MTSS1: variants seen among roughly 807,000 people sequenced by gnomAD.
The protein encoded by MTSS1 is protein MTSS 1.
Under a neutral mutation model 79.0 loss-of-function variants are expected in MTSS1, and 18 were observed. The ratio of observed to expected loss-of-function variants is 0.23; its 90% CI spans 0.16 to 0.34. The LOEUF (loss-of-function observed/expected upper bound fraction) is 0.34, where lower values mean the gene tolerates loss of function less well. Ranked by LOEUF, MTSS1 falls within the 10% of genes least tolerant of loss-of-function variation. MTSS1 has a pLI of 1.00. For synonymous variants in MTSS1, 341 were observed against 368.6 expected (o/e 0.93, Z 0.86); for missense variants, 815 against 986.2 (o/e 0.83, Z 2.33).
chr8:124,671,755 T>C (rs1824260932), intron 3 of MTSS1, among the ~76,000 whole-genome samples: 2 of 152,184 alleles, frequency 1.3e-5, no homozygotes, highest in Admixed American at 1.3e-4. Flanking sequence ...ATATAAGAGG[T>C]GTCTTCATTA....
intron 3 of MTSS1, chr8:124,697,941 C>T (rs1430428744): frequency 6.6e-6 from 1 of 152,204 alleles, no homozygotes; most frequent in African/African-American, 2.4e-5. Context: ...ATTACCTCCC[C>T]TAGGAAAAAC....
chr8:124,706,995 A>G (rs1002568845), intron 1 of MTSS1, among the ~76,000 whole-genome samples: 1 of 152,156 alleles, frequency 6.6e-6, no homozygotes, highest in Non-Finnish European at 1.5e-5. Context: ...ACCTCTAAGA[A>G]CACAAAGGCT....
chr8:124,624,064 A>G (rs755941812), intron 3 of MTSS1, among the ~76,000 whole-genome samples: 1 of 152,180 alleles, frequency 6.6e-6, no homozygotes, highest in African/African-American at 2.4e-5. Context: ...GGGTGAACTG[A>G]TATGTGCTGT....
chr8:124,555,974 C>T (rs1219407273), intron 12 of MTSS1, 70 bp from the exon 13 acceptor site: 3 of 1,576,572 alleles, frequency 1.9e-6, no homozygotes, highest in African/African-American at 1.3e-5. Context: ...CTGTTCTGCC[C>T]CCGTGAGCAC....
chr8:124,556,071 G>C, intron 12 of MTSS1, 161 bp downstream of exon 12: 1 of 1,543,422 alleles, frequency 6.5e-7, no homozygotes, highest in Non-Finnish European at 8.7e-7. Context: ...TCCCACACAA[G>C]GTTTTTTTCC....
intron 1 of MTSS1, among the ~76,000 whole-genome samples, chr8:124,706,007 A>T (rs1218028083): frequency 6.6e-6 from 1 of 152,242 alleles, no homozygotes; most frequent in East Asian, 1.9e-4. Flanking sequence ...AATCAACTTA[A>T]AGAAAGTGGT....
Position 124,556,405 on chromosome 8 carries a change from C to T in MTSS1, c.1231G>A (p.Asp411Asn), listed in dbSNP as rs140769162. The T allele has an allele frequency of 2.1e-5, 34 of 1,608,270 alleles. No individual in the cohort carries two copies. In the African/African-American group the frequency reaches 3.7e-4, roughly 18 times the overall value. ...TCATAGGGCCCAGGCTTAGCCCAGT[C>T]CTATGCAAAACAAGTGCGGTCAGGA... ...FPSSQIPSWK[D>N]WAKPGPYDQP... is the part of the protein sequence containing the mutation. Residue 411 changes from aspartate (D) to asparagine (N), a missense_variant and splice_region_variant, in exon 12 of 14, where the codon GAC becomes AAC. Transcript: ENST00000518547.
In MTSS1 at chr8:124,710,760, C is replaced by A. The variant is rs536361628; in HGVS notation, c.73-6569G>T. On this transcript the variant is annotated intron_variant, in intron 1 of 13. Transcript: ENST00000518547. ...GCAGCAACTGCCTCTCCCAGCCCAG[C>A]GCCACTGGGACAGCTGAGGGAATTC... is the stretch of plus-strand genomic sequence containing the variant. Among the ~76,000 whole-genome samples, 19 of 152,318 alleles carry A rather than the reference C, an allele frequency of 1.2e-4. No individual in the cohort carries two copies. The East Asian group carries it at 3.7e-3, about 29-fold the overall frequency.
At chr8:124,586,278 A>T (rs1344821803) in intron 5 of MTSS1, among the ~76,000 whole-genome samples, 2 of 152,060 alleles carry the variant, frequency 1.3e-5, no homozygotes, top group Non-Finnish European at 2.9e-5. Context: ...ACCTGGAATC[A>T]CTGTGCAGCG....
At chr8:124,708,627 T>A (rs1357872598) in intron 1 of MTSS1, among the ~76,000 whole-genome samples, 1 of 152,076 alleles carries the variant, frequency 6.6e-6, no homozygotes, top group Non-Finnish European at 1.5e-5. Flanking sequence ...AGACGACTAC[T>A]CAAACCACTG....
intron 1 of MTSS1, among the ~76,000 whole-genome samples, chr8:124,725,135 G>T (rs534125777): frequency 1.7e-4 from 26 of 152,284 alleles, no homozygotes; most frequent in Non-Finnish European, 3.5e-4. Flanking sequence ...ACTAGCTGCT[G>T]CTTGCTTTAC....
intron 1 of MTSS1, among the ~76,000 whole-genome samples, chr8:124,707,662 C>T (rs537954085): frequency 2.4e-4 from 36 of 151,886 alleles, no homozygotes; most frequent in African/African-American, 8.5e-4. Context: ...GAGCCGAGAT[C>T]GCACCACTGC....
intron 3 of MTSS1, among the ~76,000 whole-genome samples, chr8:124,682,745 T>TG (rs1232545759): frequency 6.6e-6 from 1 of 152,090 alleles, no homozygotes; most frequent in Non-Finnish European, 1.5e-5. Flanking sequence ...GGGAACTGGG[T>TG]GGGGAGGGAA....
intron 3 of MTSS1, among the ~76,000 whole-genome samples, chr8:124,652,061 C>T (rs1820059579): frequency 6.6e-6 from 1 of 152,220 alleles, no homozygotes; most frequent in Admixed American, 6.5e-5. Context: ...ATTTCAACCA[C>T]CCCAGGGGTT....
chr8:124,556,271 A>G lies in MTSS1; in HGVS notation c.1365T>C (p.Ala455=). 6.2e-7 allele frequency: 1 copy of G among 1,614,178 alleles called. No individual in the cohort carries two copies. Among genetic ancestry groups the G allele is most frequent in the Non-Finnish European group, 8.5e-7 (1 of 1,180,016 alleles). Residue 455 remains alanine, a synonymous_variant, in exon 12 of 14, where the codon GCT becomes GCC. Coordinates refer to ENST00000518547, the MANE Select transcript of MTSS1 (RefSeq NM_014751.6). ...ASGPPAAAEE[A]QRPRSMTVSA... is the part of the protein sequence containing the mutation. ...ATACAGTCATGCTCCGTGGTCTCTG[A>G]GCCTCCTCAGCTGCTGCAGGTGGGC... is the stretch of plus-strand genomic sequence containing the variant.
chr8:124,648,992 A>G (rs962599693), intron 3 of MTSS1, among the ~76,000 whole-genome samples: 1 of 152,248 alleles, frequency 6.6e-6, no homozygotes, highest in Admixed American at 6.5e-5. Context: ...CAAAACAGAG[A>G]GTTTCCCTTT....
chr8:124,714,277 T>C (rs1382604887), intron 1 of MTSS1, among the ~76,000 whole-genome samples: 1 of 152,162 alleles, frequency 6.6e-6, no homozygotes, highest in African/African-American at 2.4e-5. Flanking sequence ...AAAACACCAC[T>C]GAAAGGGCAG....
intron 3 of MTSS1, among the ~76,000 whole-genome samples, chr8:124,670,137 G>A (rs1823846963): frequency 6.6e-6 from 1 of 152,106 alleles, no homozygotes; most frequent in African/African-American, 2.4e-5. Context: ...CACTGCCAAG[G>A]AACAGAAAGG....
At chr8:124,668,305 A>C (rs1323516445) in intron 3 of MTSS1, among the ~76,000 whole-genome samples, 2 of 152,098 alleles carry the variant, frequency 1.3e-5, no homozygotes, top group Non-Finnish European at 2.9e-5. Context: ...TAACCCTACC[A>C]ATGTGTGTTC....
Sources: allele counts gnomAD v4.1 joint callset (sites outside exome capture counted in the v4.1 genomes callset), GRCh38; gene constraint gnomAD v4.1.1; transcripts MANE v1.5; gene names NCBI Gene and HGNC (gene_info 2026-07-23, HGNC 2026-07-21).